Variants in TTN observed in about 807,000 individuals in gnomAD.
TTN encodes the protein titin, also known as connectin.
In TTN, 1,525 loss-of-function variants were observed where a neutral mutation model predicts 3,223.0. That is an observed-to-expected ratio of 0.47 (90% CI 0.45 to 0.49). TTN has a LOEUF of 0.49. TTN is among the 20% of genes least tolerant of loss of function. TTN has a pLI of 0.00. For missense variants in TTN, 40,786 were observed against 43,424.0 expected (o/e 0.94, Z 5.40); for synonymous variants, 14,094 against 15,161.0 (o/e 0.93, Z 5.17).
In TTN at chr2:178,689,114, G is replaced by A. The variant is rs776436912; in HGVS notation, c.32034C>T (p.Pro10678=). 1.2e-5 allele frequency: 19 copies of A among 1,609,002 alleles called. No individual in the cohort carries two copies. Among genetic ancestry groups the A allele is most frequent in the South Asian group, 1.1e-4 (10 of 89,800 alleles). The change falls in exon 125 of 363, where the codon CCC becomes CCT. Residue 10678 remains proline, a synonymous_variant. Coordinates refer to ENST00000589042, the MANE Select transcript of TTN (RefSeq NM_001267550.2). ...GCACTGCAACTTTCTCCTCTGGGAC[G>A]GGTTTCTTAGGCAGAGCTGGCACTT... ...PPKVPALPKK[P]VPEEKVAVPV...
chr2:178,806,596 C>A lies in TTN; in HGVS notation c.-14+616G>T, dbSNP rs138829323. 2.6e-3 allele frequency among the ~76,000 whole-genome samples: 399 copies of A among 152,334 alleles called. 1 individual carries two copies. The highest frequency in any genetic ancestry group is 9.1e-3 in the African/African-American group (379 of 41,590). ...AATTAACCAGCTTAAATTGATCTTA[C>A]ATTCCTATTGTCTAGGTAAATTTTA... On this transcript the variant is annotated intron_variant, in intron 1 of 362. Coordinates refer to ENST00000589042, the MANE Select transcript of TTN (RefSeq NM_001267550.2).
chr2:178,567,057 A>G lies in TTN; in HGVS notation c.79075T>C (p.Phe26359Leu), dbSNP rs764833155. The G allele has an allele frequency of 1.5e-5, 25 of 1,613,622 alleles. No homozygotes were observed. The South Asian group carries it at 2.7e-4, about 18-fold the overall frequency. Residue 26359 changes from phenylalanine (F) to leucine (L), a missense_variant, in exon 326 of 363, where the codon TTC (phenylalanine) becomes CTC (leucine). Transcript: ENST00000589042. Reference sequence around the variant, plus strand: ...TATTTGTTGACAGCCATTATACGGAAAACATATTCATTACCTTCTAAGAGT... The same window carrying G: ...TATTTGTTGACAGCCATTATACGGAGAACATATTCATTACCTTCTAAGAGT... ...TKLLEGNEYV[F>L]RIMAVNKYGV...
intron 32 of TTN, 35 bp from the exon 33 acceptor site, chr2:178,773,404 T>A: frequency 6.2e-7 from 1 of 1,613,958 alleles, no homozygotes; most frequent in Middle Eastern, 1.7e-4. Flanking sequence ...TTGGTTATTG[T>A]TACACTGGGA....
intron 216 of TTN, 42 bp downstream of exon 216, chr2:178,646,439 GAGAA>G: frequency 7.8e-7 from 1 of 1,276,754 alleles, no homozygotes; most frequent in Non-Finnish European, 1.1e-6. Context: ...TACATTTCAA[GAGAA>G]AGAATATGAT....
chr2:178,623,877 A>C (rs1281823819), intron 242 of TTN, among the ~76,000 whole-genome samples: 1 of 151,960 alleles, frequency 6.6e-6, no homozygotes, highest in African/African-American at 2.4e-5. Context: ...AAACCATTAG[A>C]GTTCTCTTCA....
intron 356 of TTN, 85 bp from the exon 357 acceptor site, chr2:178,536,660 G>T: frequency 8.4e-7 from 1 of 1,192,824 alleles, no homozygotes; most frequent in Non-Finnish European, 1.1e-6. Context: ...AATGTTATAT[G>T]AGTCCAAAAT....
In TTN at chr2:178,711,289, A is replaced by C. The variant is rs78643968; in HGVS notation, c.27947T>G (p.Leu9316Arg). The C allele has an allele frequency of 2.0e-5, 33 of 1,613,582 alleles. No homozygotes were observed. In the East Asian group the frequency reaches 6.9e-4, roughly 34 times the overall value. ...QLRDVQETVG[L>R]PVVFDCAISG... ...TATGGCACAATCAAAAACAACTGGC[A>C]GTCCAACTGTTTCTTGAACATCTCT... The change falls in exon 97 of 363, where the codon CTG becomes CGG. Residue 9316 changes from leucine (L) to arginine (R), a missense_variant. Coordinates refer to ENST00000589042, the MANE Select transcript of TTN (RefSeq NM_001267550.2).
Position 178,757,752 on chromosome 2 carries a change from C to T in TTN, c.10468G>A (p.Gly3490Ser), listed in dbSNP as rs2087749364. Residue 3490 changes from glycine to serine, a missense_variant, in exon 45 of 363, where the codon GGC (glycine) becomes AGC (serine). Coordinates refer to ENST00000589042, the MANE Select transcript of TTN (RefSeq NM_001267550.2). Reference sequence around the variant, plus strand: ...CATTGGATTTCTGGCTTGGGAATGCCAGAAACCCTCGCATGAAATCTGACT... The same window carrying T: ...CATTGGATTTCTGGCTTGGGAATGCTAGAAACCCTCGCATGAAATCTGACT... ...ETVRFHARVS[G>S]IPKPEIQWFH... The T allele has an allele frequency of 5.0e-6, 8 of 1,613,824 alleles. No individual in the cohort carries two copies. The East Asian group carries it at 1.6e-4, about 31-fold the overall frequency.
At position 178,537,746 on chromosome 2, in the gene TTN, C is replaced by T. The variant is rs753958605; in HGVS notation, c.99461G>A (p.Arg33154His). 6.2e-6 allele frequency: 10 copies of T among 1,613,610 alleles called. No individual in the cohort carries two copies. The highest frequency in any genetic ancestry group is 7.6e-6 in the Non-Finnish European group (9 of 1,179,768). Residue 33154 changes from arginine (R) to histidine (H), a missense_variant, in exon 355 of 363, where the codon CGC (arginine) becomes CAC (histidine). Transcript: ENST00000589042. The part of the protein sequence containing the change: ...SRKYKMSSDG[R>H]THTLTVMTEE... ...TGTCATTACTGTAAGAGTGTGTGTG[C>T]GTCCATCTGAAGACATTTTGTATTT...
chr2:178,702,444 A>G lies in TTN; in HGVS notation c.30433+10T>C, dbSNP rs763058822. On this transcript the variant is annotated intron_variant, in intron 107 of 362. Coordinates refer to ENST00000589042, the MANE Select transcript of TTN (RefSeq NM_001267550.2). Reference sequence around the variant, plus strand: ...TTATACATTCACTGGAAAACTGTCAATGAAATCACCTTCATCGTCTGGGGT... The same window carrying G: ...TTATACATTCACTGGAAAACTGTCAGTGAAATCACCTTCATCGTCTGGGGT... 6.2e-5 allele frequency: 100 copies of G among 1,613,582 alleles called. No homozygotes were observed. Among genetic ancestry groups the G allele is most frequent in the Non-Finnish European group, 7.7e-5 (91 of 1,179,824 alleles).
chr2:178,758,876 G>T, intron 44 of TTN, 108 bp downstream of exon 44: 2 of 1,152,378 alleles, frequency 1.7e-6, no homozygotes, highest in Non-Finnish European at 2.6e-6. Context: ...AATTAGAAGA[G>T]AATGGTAGGA....
At chr2:178,637,146 G>GAGAT (rs563909076) in intron 224 of TTN, among the ~76,000 whole-genome samples, 1 of 49,186 alleles carries the variant, frequency 2.0e-5, no homozygotes, top group Non-Finnish European at 4.4e-5. Flanking sequence ...AATATAGTTG[G>GAGAT]ATATATATAT....
chr2:178,663,846 T>C lies in TTN; in HGVS notation c.36421A>G (p.Lys12141Glu). 1 of 1,613,444 alleles carries C rather than the reference T, an allele frequency of 6.2e-7. No individual in the cohort carries two copies. Among genetic ancestry groups the C allele is most frequent in the Admixed American group, 1.7e-5 (1 of 59,998 alleles). Residue 12141 changes from lysine (K) to glutamate (E), a missense_variant, in exon 170 of 363, where the codon AAA becomes GAA. Physicochemically the swap from Lys to Glu is moderately conservative, Grantham distance 56. Coordinates refer to ENST00000589042, the MANE Select transcript of TTN (RefSeq NM_001267550.2). ...REEKVPLAPP[K>E]EPEVPPVKVP... ...TTAACAGGTGGGACTTCAGGCTCTT[T>C]AGGAGGAGCCAAGGGCACTTTCTCT...
Position 178,673,545 on chromosome 2 carries a change from T to C in TTN, c.34786+88A>G, listed in dbSNP as rs1043450906. 3.1e-6 allele frequency: 3 copies of C among 958,140 alleles called. 1 individual carries two copies. The highest frequency in any genetic ancestry group is 3.0e-6 in the Non-Finnish European group (2 of 657,652). 59.4% of individuals were successfully genotyped at this position (958,140 alleles called of 1,614,324 possible). A position where few individuals can be genotyped will look rare whatever the true frequency, so the allele number is the denominator to read the frequency against. ...AATCAGTTCACTATCTAAATGATTA[T>C]AAGAAGGCAGTCAAAAAAGAAAATG... On this transcript the variant is annotated intron_variant, in intron 152 of 362. Transcript: ENST00000589042.
Position 178,601,078 on chromosome 2 carries a change from G to A in TTN, c.55826C>T (p.Ser18609Phe). 6.2e-7 allele frequency: 1 copy of A among 1,609,932 alleles called. No homozygotes were observed. The highest frequency in any genetic ancestry group is 8.5e-7 in the Non-Finnish European group (1 of 1,177,802). Residue 18609 changes from serine (S) to phenylalanine (F), a missense_variant, in exon 288 of 363, where the codon TCC (serine) becomes TTC (phenylalanine). Transcript: ENST00000589042. ...SWKPPKNDGG[S>F]PVTHYIVECL... ...CTCAACAATATAGTGGGTAACAGGG[G>A]AGCCCCCATCATTCTTCGGGGGTTT...
In TTN at chr2:178,705,342, C is replaced by CT; in HGVS notation, c.29435dup (p.Lys9813GlufsTer10). 1 of 1,590,654 alleles carries CT rather than the reference C, an allele frequency of 6.3e-7. No homozygotes were observed. Among genetic ancestry groups the CT allele is most frequent in the Non-Finnish European group, 8.6e-7 (1 of 1,168,664 alleles). On this transcript the variant is annotated frameshift_variant, in exon 103 of 363. Coordinates refer to ENST00000589042, the MANE Select transcript of TTN (RefSeq NM_001267550.2). LOFTEE classifies it high-confidence loss of function. ...TTTCCTCTTCTTCTCCAGCTCCTTTCTTTAAGATTGGAGTCCTAAATAAAA... is the reference window on the plus strand; with the variant it reads ...TTTCCTCTTCTTCTCCAGCTCCTTTCTTTTAAGATTGGAGTCCTAAATAAAA...
At position 178,770,120 on chromosome 2, in the gene TTN, C is replaced by A. The variant is rs1383547916; in HGVS notation, c.8581G>T (p.Ala2861Ser). The change falls in exon 36 of 363, where the codon GCT (alanine) becomes TCT (serine). Residue 2861 changes from alanine (A) to serine (S), a missense_variant. Ala to Ser is a moderately conservative substitution (Grantham distance 99, BLOSUM62 1). Coordinates refer to ENST00000589042, the MANE Select transcript of TTN (RefSeq NM_001267550.2). ...CCGACCACAGCTGTGTATTCCCCAG[C>A]ATCTGAGGGGGAGATGTTCTGCAGC... is the stretch of plus-strand genomic sequence containing the variant. ...LMLQNISPSD[A>S]GEYTAVVGQL... 2.5e-6 allele frequency: 4 copies of A among 1,614,046 alleles called. No individual in the cohort carries two copies. Among genetic ancestry groups the A allele is most frequent in the African/African-American group, 1.3e-5 (1 of 74,936 alleles).
chr2:178,563,073 G>C lies in TTN; in HGVS notation c.83059C>G (p.Leu27687Val). The stretch of plus-strand genomic sequence containing the variant: ...AAGCGTAAAGTAGCACTTGCACGCA[G>C]AACGACCACCTTTCTGAGATCAGCA... Reference protein sequence around the residue: ...LDADLRKVVVLRASATLRLFV... With the variant: ...LDADLRKVVVVRASATLRLFV... Residue 27687 changes from leucine (L) to valine (V), a missense_variant, in exon 326 of 363, where the codon CTG becomes GTG. By Grantham distance (32) the Leu-to-Val change is conservative (BLOSUM62 1). Coordinates refer to ENST00000589042, the MANE Select transcript of TTN (RefSeq NM_001267550.2). The surrounding 1 kb of genome is among the most constrained non-coding windows in gnomAD (Gnocchi z 4.5). 1 of 1,613,690 alleles carries C rather than the reference G, an allele frequency of 6.2e-7. No individual in the cohort carries two copies. The highest frequency in any genetic ancestry group is 8.5e-7 in the Non-Finnish European group (1 of 1,179,722).
intron 218 of TTN, chr2:178,644,313 A>T (rs2061597499): frequency 8.2e-6 from 3 of 365,640 alleles, no homozygotes; most frequent in Admixed American, 9.3e-5. Flanking sequence ...ATGCAAGAAG[A>T]CATATGTAGA....
Sources: gnomAD v4.1 joint callset for allele counts (sites outside exome capture counted in the v4.1 genomes callset) on GRCh38, gnomAD v4.1.1 for gene constraint, Gnocchi (gnomAD v3.1) non-coding constraint, MANE v1.5 for transcripts, NCBI Gene and HGNC (gene_info 2026-07-23, HGNC 2026-07-21) for gene names.